Variants in LINGO2 observed in about 807,000 individuals in gnomAD.
LINGO2 encodes the protein leucine-rich repeat and immunoglobulin-like domain-containing nogo receptor-interacting protein 2.
LINGO2 carries 14 observed loss-of-function variants against 30.6 expected under a neutral mutation model. The observed-to-expected ratio is 0.46, with a 90% CI of 0.30 to 0.72. The LOEUF (loss-of-function observed/expected upper bound fraction) is 0.72. LINGO2 is among the 30% of genes least tolerant of loss of function. The pLI is 0.07. For synonymous variants in LINGO2, 317 were observed against 288.5 expected, an observed-to-expected ratio of 1.10 and a Z score of -1.00; for missense variants, 729 against 751.7, an observed-to-expected ratio of 0.97 and a Z score of 0.35.
the LINGO2 span, among the ~76,000 whole-genome samples, chr9:28,724,481 A>C: frequency 6.6e-6 from 1 of 152,132 alleles, no homozygotes; most frequent in Admixed American, 6.6e-5. Flanking sequence ...AAACCTCTGA[A>C]CTGTACAGCT....
chr9:28,083,675 T>A (rs543586709), intron 4 of LINGO2, among the ~76,000 whole-genome samples: 1 of 152,266 alleles, frequency 6.6e-6, no homozygotes, highest in East Asian at 1.9e-4. Context: ...CTAATCAAAT[T>A]GGAGTGTCTT....
At chr9:28,935,879 A>G in the LINGO2 span, among the ~76,000 whole-genome samples, 57 of 152,232 alleles carry the variant, frequency 3.7e-4, no homozygotes, top group African/African-American at 1.3e-3. Context: ...CCATGTTCAT[A>G]TAATATAAAA....
chr9:29,012,184 C>T, the LINGO2 span, among the ~76,000 whole-genome samples: 1 of 152,020 alleles, frequency 6.6e-6, no homozygotes, highest in Non-Finnish European at 1.5e-5. Context: ...ATGCTGAAAC[C>T]ACGTCTCTAC....
At chr9:28,895,672 C>A in the LINGO2 span, among the ~76,000 whole-genome samples, 3 of 152,050 alleles carry the variant, frequency 2.0e-5, no homozygotes, top group Non-Finnish European at 4.4e-5. Context: ...GAGAGCCTCT[C>A]TCTGTTTGAT....
chr9:29,147,479 T>C, the LINGO2 span, among the ~76,000 whole-genome samples: 1 of 152,122 alleles, frequency 6.6e-6, no homozygotes, highest in Non-Finnish European at 1.5e-5. Flanking sequence ...TTCTGAGTAA[T>C]CTATATGCAA....
intron 1 of LINGO2, among the ~76,000 whole-genome samples, chr9:28,666,800 G>T (rs540228885): frequency 6.6e-6 from 1 of 152,024 alleles, no homozygotes; most frequent in Non-Finnish European, 1.5e-5. Context: ...GAAATATTTG[G>T]CCTTACTTTT....
At chr9:28,267,254 C>G (rs73429576) in intron 4 of LINGO2, among the ~76,000 whole-genome samples, 1,641 of 152,028 alleles carry the variant, frequency 0.011, 36 homozygotes, top group African/African-American at 0.038. Flanking sequence ...AAATCCATTA[C>G]AATACCACCA....
chr9:28,465,736 T>C (rs980227077), intron 2 of LINGO2, among the ~76,000 whole-genome samples: 13 of 152,078 alleles, frequency 8.5e-5, no homozygotes, highest in African/African-American at 3.1e-4. Flanking sequence ...ATAACCAGAA[T>C]ATATAAGGAG....
At chr9:28,708,300 G>A in the LINGO2 span, among the ~76,000 whole-genome samples, 4 of 152,072 alleles carry the variant, frequency 2.6e-5, no homozygotes, top group Non-Finnish European at 5.9e-5. Context: ...ATAAACATAA[G>A]CACACCTGTT....
At chr9:27,948,660 CT>C (rs1823464099) in exon 6 of LINGO2, 2 of 667,600 alleles carry the variant, frequency 3.0e-6, no homozygotes, top group Admixed American at 5.2e-5. Context: ...GTGTGAAGGG[CT>C]CTGACACATG....
At chr9:28,408,774 C>CA (rs68142692) in intron 2 of LINGO2, among the ~76,000 whole-genome samples, 1,415 of 127,504 alleles carry the variant, frequency 0.011, 25 homozygotes, top group African/African-American at 0.042. Context: ...TATAAAAAAA[C>CA]AAAAAAAAAA....
the LINGO2 span, among the ~76,000 whole-genome samples, chr9:28,924,663 C>T: frequency 6.6e-6 from 1 of 152,204 alleles, no homozygotes; most frequent in Non-Finnish European, 1.5e-5. Context: ...ACAATCAACA[C>T]ATGTTATACT....
intron 1 of LINGO2, among the ~76,000 whole-genome samples, chr9:28,548,619 A>C (rs1822081438): frequency 6.8e-6 from 1 of 146,388 alleles, no homozygotes; most frequent in Non-Finnish European, 1.5e-5. Flanking sequence ...CAGGAAAATC[A>C]CTTGAATCCA....
chr9:29,133,933 C>G, the LINGO2 span, among the ~76,000 whole-genome samples: 1 of 152,070 alleles, frequency 6.6e-6, no homozygotes, highest in South Asian at 2.1e-4. Flanking sequence ...AAAGACCTCC[C>G]TCCTTCCCTC....
At chr9:28,633,957 T>C (rs571438824) in intron 1 of LINGO2, among the ~76,000 whole-genome samples, 3 of 152,304 alleles carry the variant, frequency 2.0e-5, no homozygotes, top group African/African-American at 7.2e-5. Flanking sequence ...TACTCTGTCA[T>C]AGCTTCCTGT....
At chr9:28,312,562 A>G (rs66660165) in intron 3 of LINGO2, among the ~76,000 whole-genome samples, 8,779 of 152,274 alleles carry the variant, frequency 0.058, 361 homozygotes, top group East Asian at 0.22. Context: ...AGTACTGTGT[A>G]GTATCATAAT....
At chr9:28,861,307 T>C in the LINGO2 span, among the ~76,000 whole-genome samples, 12,802 of 127,894 alleles carry the variant, frequency 0.1, 808 homozygotes, top group African/African-American at 0.16. Flanking sequence ...TATTATATAT[T>C]TTATATAATA....
the LINGO2 span, among the ~76,000 whole-genome samples, chr9:29,010,631 T>C: frequency 6.6e-6 from 1 of 152,188 alleles, no homozygotes; most frequent in Non-Finnish European, 1.5e-5. Context: ...TTACTGAACT[T>C]CATGACAATT....
chr9:29,019,046 A>G, the LINGO2 span, among the ~76,000 whole-genome samples: 1 of 152,198 alleles, frequency 6.6e-6, no homozygotes, highest in African/African-American at 2.4e-5. Context: ...GGTATTTTTA[A>G]GTATATAAAA....
Sources: gnomAD v4.1 joint callset for allele counts (sites outside exome capture counted in the v4.1 genomes callset) on GRCh38, gnomAD v4.1.1 for gene constraint, MANE v1.5 for transcripts, NCBI Gene and HGNC (gene_info 2026-07-23, HGNC 2026-07-21) for gene names.